The following TRNT1 variants were observed in gnomAD, a reference collection of about 807,000 sequenced individuals.
The protein encoded by TRNT1 is CCA tRNA nucleotidyltransferase 1, mitochondrial.
A neutral mutation model predicts 45.6 loss-of-function variants in TRNT1; 44 were observed. The ratio of observed to expected loss-of-function variants is 0.97; its 90% CI spans 0.76 to 1.24. The LOEUF is 1.24. Among genes scored for constraint, TRNT1 ranks in the 50% most tolerant of loss-of-function variants. The pLI, the probability that TRNT1 is intolerant of heterozygous loss-of-function variation, is 0.00. For missense variants in TRNT1, 633 were observed against 504.4 expected, an observed-to-expected ratio of 1.25 and a Z score of -2.44; for synonymous variants, 201 against 171.4, an observed-to-expected ratio of 1.17 and a Z score of -1.35.
intron 3 of TRNT1, among the ~76,000 whole-genome samples, chr3:3,139,374 G>T (rs980878945): frequency 6.6e-6 from 1 of 152,176 alleles, no homozygotes; most frequent in Admixed American, 6.5e-5. Context: ...TTAGAGAAGA[G>T]TATGTATCAA....
At chr3:3,128,070 TTAACTTCTTACCCA>T (rs1704713219) in intron 1 of TRNT1, 1 of 152,204 alleles carries the variant, frequency 6.6e-6, no homozygotes. Flanking sequence ...ATACAAGTGA[TTAACTTCTTACCCA>T]TAAGATCTGA....
chr3:3,151,026 G>T (rs781369096), downstream of TRNT1: 2 of 1,613,682 alleles, frequency 1.2e-6, no homozygotes, highest in Middle Eastern at 1.7e-4. Flanking sequence ...ATCTTACACT[G>T]GGCAACAGTC....
rs768744806 is a variant in TRNT1 at position 3,137,396 on chromosome 3, G to A, written c.285G>A (p.Ser95=). 34 of 1,613,650 alleles carry A rather than the reference G, an allele frequency of 2.1e-5. No homozygotes were observed. The highest frequency in any genetic ancestry group is 2.9e-5 in the Non-Finnish European group (34 of 1,179,852). Residue 95 remains serine (S), a synonymous_variant, in exon 3 of 8, where the codon TCG becomes TCA. Coordinates refer to ENST00000251607, the MANE Select transcript of TRNT1 (RefSeq NM_182916.3). ...CTCAAATGAAGGAGATGTTTCAGTC[G>A]GCTGGGATTCGGATGATAAACAACA... The part of the protein sequence containing the change: ...TPTQMKEMFQ[S]AGIRMINNRG...
intron 6 of TRNT1, 84 bp from the exon 7 acceptor site, chr3:3,147,366 A>G: frequency 6.8e-7 from 1 of 1,481,356 alleles, no homozygotes. Context: ...GCATTTCTGG[A>G]TACTAAAATG....
chr3:3,134,235 A>T (rs1334220647), intron 2 of TRNT1, among the ~76,000 whole-genome samples: 1 of 152,180 alleles, frequency 6.6e-6, no homozygotes, highest in Non-Finnish European at 1.5e-5. Flanking sequence ...GATATCAGTA[A>T]CAGGAATAAA....
chr3:3,146,772 A>G, intron 6 of TRNT1, 149 bp downstream of exon 6: 2 of 752,356 alleles, frequency 2.7e-6, no homozygotes, highest in East Asian at 2.8e-5. Flanking sequence ...GTTATGGGGT[A>G]AGTTTTGTCG....
At chr3:3,134,445 A>G (rs1398259217) in intron 2 of TRNT1, among the ~76,000 whole-genome samples, 1 of 152,216 alleles carries the variant, frequency 6.6e-6, no homozygotes, top group Non-Finnish European at 1.5e-5. Context: ...AAAATGGTGA[A>G]TATATTACTT....
chr3:3,152,445 C>G (rs1426126500), downstream of TRNT1: 1 of 1,612,808 alleles, frequency 6.2e-7, no homozygotes, highest in African/African-American at 1.3e-5. Flanking sequence ...CAACCACCAC[C>G]ATAATATTAC....
chr3:3,136,375 G>T (rs1409519373), intron 2 of TRNT1, among the ~76,000 whole-genome samples: 2 of 152,204 alleles, frequency 1.3e-5, no homozygotes, highest in African/African-American at 4.8e-5. Flanking sequence ...AGAGGAGTCA[G>T]CTATGTAGTT....
intron 2 of TRNT1, chr3:3,129,901 G>T: frequency 5.8e-6 from 9 of 1,550,614 alleles, no homozygotes; most frequent in Non-Finnish European, 7.0e-6. Flanking sequence ...CAACCGCTAA[G>T]CTCTGTTTCC....
intron 4 of TRNT1, among the ~76,000 whole-genome samples, chr3:3,141,885 A>G (rs1705677895): frequency 6.6e-6 from 1 of 152,222 alleles, no homozygotes; most frequent in African/African-American, 2.4e-5. Flanking sequence ...TCTAGGTACA[A>G]CATTGGGTAC....
Position 3,144,594 on chromosome 3 carries a change from C to T in TRNT1, c.492C>T (p.Gly164=), listed in dbSNP as rs150215891. The change falls in exon 5 of 8, where the codon GGC becomes GGT. Residue 164 remains glycine, a synonymous_variant. Transcript: ENST00000251607. Reference sequence around the variant, plus strand: ...TTTTCTAATGAATAGGTTTTGATGGCACTTTATTTGACTACTTTAATGGTT... The same window carrying T: ...TTTTCTAATGAATAGGTTTTGATGGTACTTTATTTGACTACTTTAATGGTT... ...TINSMFLGFD[G]TLFDYFNGYE... The T allele has an allele frequency of 6.3e-7, 1 of 1,580,692 alleles. No individual in the cohort carries two copies. The highest frequency in any genetic ancestry group is 8.6e-7 in the Non-Finnish European group (1 of 1,161,426).
chr3:3,141,216 C>G (rs77131662), intron 4 of TRNT1, among the ~76,000 whole-genome samples: 1,825 of 152,272 alleles, frequency 0.012, 21 homozygotes, highest in Middle Eastern at 0.044. Context: ...ATTGTAAATG[C>G]TTAGAACAGT....
intron 2 of TRNT1, 101 bp downstream of exon 2, chr3:3,129,289 T>C (rs1704844218): frequency 1.8e-6 from 2 of 1,105,546 alleles, no homozygotes; most frequent in South Asian, 3.1e-5. Flanking sequence ...CATTGTTGTT[T>C]TAATTATTTT....
intron 4 of TRNT1, 118 bp from the exon 5 acceptor site, chr3:3,144,466 A>G: frequency 1.0e-6 from 1 of 984,754 alleles, no homozygotes; most frequent in Non-Finnish European, 1.5e-6. Context: ...TATGTGTTTT[A>G]ATAACTGTTC....
At position 3,148,678 on chromosome 3, in the gene TRNT1, T is replaced by G. The variant is rs957460052; in HGVS notation, c.*524T>G. The stretch of plus-strand genomic sequence containing the variant: ...GTGTCCCCAGTTGCTGGCATTCATA[T>G]GTACAGGATTTGTTCTAGCAAGCTA... On this transcript the variant is annotated 3_prime_UTR_variant, in exon 8 of 8. Coordinates refer to ENST00000251607, the MANE Select transcript of TRNT1 (RefSeq NM_182916.3). 6.6e-6 allele frequency: 1 copy of G among 152,580 alleles called. No individual in the cohort carries two copies. Among genetic ancestry groups the G allele is most frequent in the African/African-American group, 2.4e-5 (1 of 41,454 alleles). 9.5% of individuals were successfully genotyped at this position (152,580 alleles called of 1,614,324 possible). A position where few individuals can be genotyped will look rare whatever the true frequency, so the allele number is the denominator to read the frequency against.
chr3:3,137,306 A>G lies in TRNT1; in HGVS notation c.195A>G (p.Ala65=). The stretch of plus-strand genomic sequence containing the variant: ...ACGAATTAAGAATAGCAGGAGGAGC[A>G]GTGAGGGATTTATTAAATGGAGTAA... ...ENHELRIAGG[A]VRDLLNGVKP... is the part of the protein sequence containing the mutation. Residue 65 remains alanine, a synonymous_variant, in exon 3 of 8, where the codon GCA becomes GCG. Transcript: ENST00000251607. 1 of 1,611,706 alleles carries G rather than the reference A, an allele frequency of 6.2e-7. No individual in the cohort carries two copies. The highest frequency in any genetic ancestry group is 8.5e-7 in the Non-Finnish European group (1 of 1,179,236).
At chr3:3,137,561 T>C (rs1015880409) in intron 3 of TRNT1, 108 bp downstream of exon 3, 1 of 930,312 alleles carries the variant, frequency 1.1e-6, no homozygotes, top group African/African-American at 1.7e-5. Context: ...AAAAAGTCAG[T>C]CTCTTCTATG....
chr3:3,128,407 G>C (rs1287094913), intron 1 of TRNT1, among the ~76,000 whole-genome samples: 5 of 152,020 alleles, frequency 3.3e-5, no homozygotes, highest in African/African-American at 1.2e-4. Flanking sequence ...GAGCAGTCTG[G>C]CCAACGTGGT....
Sources: gnomAD v4.1 joint callset for allele counts (sites outside exome capture counted in the v4.1 genomes callset) on GRCh38, gnomAD v4.1.1 for gene constraint, MANE v1.5 for transcripts, NCBI Gene and HGNC (gene_info 2026-07-23, HGNC 2026-07-21) for gene names.